ASNS: variants seen among roughly 807,000 people sequenced by gnomAD.
The protein encoded by ASNS is asparagine synthetase (glutamine-hydrolyzing).
ASNS carries 37 observed loss-of-function variants against 62.6 expected under a neutral mutation model. The ratio of observed to expected loss-of-function variants is 0.59; its 90% confidence interval spans 0.45 to 0.78. ASNS has a LOEUF of 0.78. ASNS is among the 30% of genes least tolerant of loss of function. The probability of loss-of-function intolerance (pLI) is 0.00; values close to 1 mark genes in which losing one functional copy is unlikely to be tolerated. For missense variants in ASNS, 520 were observed against 682.4 expected, an observed-to-expected ratio of 0.76 and a Z score of 2.65; for synonymous variants, 207 against 237.9, an observed-to-expected ratio of 0.87 and a Z score of 1.19.
chr7:97,916,226 A>G, the ASNS span, among the ~76,000 whole-genome samples: 2 of 152,008 alleles, frequency 1.3e-5, no homozygotes, highest in African/African-American at 4.8e-5. Flanking sequence ...TAAAAATACA[A>G]AAAAATTAGC....
the ASNS span, among the ~76,000 whole-genome samples, chr7:97,910,383 C>T: frequency 4.9e-4 from 74 of 152,154 alleles, no homozygotes; most frequent in African/African-American, 1.6e-3. Flanking sequence ...CCATCCCAGG[C>T]ATCATGAGGA....
At chr7:97,917,197 G>C in the ASNS span, among the ~76,000 whole-genome samples, 1 of 134,084 alleles carries the variant, frequency 7.5e-6, no homozygotes, top group Non-Finnish European at 1.5e-5. Flanking sequence ...CCCAAATATT[G>C]CATGGGATAT....
chr7:97,899,918 A>G, the ASNS span, among the ~76,000 whole-genome samples: 19 of 152,256 alleles, frequency 1.2e-4, no homozygotes, highest in Non-Finnish European at 2.4e-4. Context: ...ATTTTTGAAT[A>G]TGAAAATATT....
chr7:97,853,455 T>A (rs1791285240), intron 10 of ASNS, 69 bp from the exon 11 acceptor site: 9 of 1,326,430 alleles, frequency 6.8e-6, no homozygotes, highest in Non-Finnish European at 9.6e-6. Flanking sequence ...AGGTTCTGAT[T>A]CAGTTTCCCA....
chr7:97,927,944 C>T, the ASNS span: 13 of 643,240 alleles, frequency 2.0e-5, no homozygotes, highest in South Asian at 2.4e-4. Flanking sequence ...CCCGTGCTGC[C>T]TAAATGTGTT....
In ASNS at chr7:97,853,052, C is replaced by T. The variant is rs1459613915; in HGVS notation, c.1476+8G>A. ...TTATTCCTGAAAATGTTTTTAAAGA[C>T]ATTATACCTGATGTTCAACGTATTC... is the stretch of plus-strand genomic sequence containing the variant. On this transcript the variant is annotated splice_region_variant and intron_variant, in intron 12 of 12. Transcript: ENST00000394308. 1 of 1,555,266 alleles carries T rather than the reference C, an allele frequency of 6.4e-7. No individual in the cohort carries two copies. Among genetic ancestry groups the T allele is most frequent in the African/African-American group, 1.4e-5 (1 of 72,406 alleles).
Position 97,858,388 on chromosome 7 carries a change from A to T in ASNS, c.793T>A (p.Leu265Met). 6.2e-7 allele frequency: 1 copy of T among 1,614,164 alleles called. No homozygotes were observed. Among genetic ancestry groups the T allele is most frequent in the Non-Finnish European group, 8.5e-7 (1 of 1,179,994 alleles). The stretch of plus-strand genomic sequence containing the variant: ...TGCTTCAACAGAGTGGCAGCAACCA[A>T]GCTGGAGTCCAAGCCCCCTACATGC... Reference protein sequence around the residue: ...CLLSGGLDSSLVAATLLKQLK... With the variant: ...CLLSGGLDSSMVAATLLKQLK... The change falls in exon 7 of 13, where the codon TTG (leucine) becomes ATG (methionine). Residue 265 changes from leucine to methionine, a missense_variant. Leu to Met is a conservative substitution (Grantham distance 15, BLOSUM62 2). Transcript: ENST00000394308.
the ASNS span, among the ~76,000 whole-genome samples, chr7:97,894,258 C>T: frequency 3.3e-5 from 5 of 151,360 alleles, no homozygotes; most frequent in Admixed American, 6.6e-5. Context: ...AATGCCTACA[C>T]CAAAAAAGTA....
chr7:97,927,009 G>C, the ASNS span, among the ~76,000 whole-genome samples: 1 of 141,330 alleles, frequency 7.1e-6, no homozygotes, highest in Admixed American at 7.4e-5. Context: ...CCAGGCTCTA[G>C]CAATCCTCCC....
the ASNS span, among the ~76,000 whole-genome samples, chr7:97,894,480 C>CAAAAAAAAA: frequency 1.4e-4 from 5 of 36,538 alleles, no homozygotes; most frequent in African/African-American, 6.0e-4. Flanking sequence ...TGAGGCTAAC[C>CAAAAAAAAA]AAAAAAAAAA....
the ASNS span, among the ~76,000 whole-genome samples, chr7:97,922,437 TG>T: frequency 0.033 from 5,007 of 151,414 alleles, 267 homozygotes; most frequent in African/African-American, 0.11. Context: ...GTTGCCAGGG[TG>T]GGGAAGTGGG....
chr7:97,889,078 G>A, the ASNS span, among the ~76,000 whole-genome samples: 111 of 152,292 alleles, frequency 7.3e-4, no homozygotes, highest in African/African-American at 2.4e-3. Flanking sequence ...ATTGGCCCAC[G>A]CAGACAGGCT....
upstream of ASNS, among the ~76,000 whole-genome samples, chr7:97,873,509 T>C (rs1256692035): frequency 1.3e-5 from 2 of 152,208 alleles, no homozygotes; most frequent in African/African-American, 2.4e-5. Flanking sequence ...GATGACTTGT[T>C]CTAAGGTTCA....
chr7:97,867,179 G>C (rs1307252344), intron 3 of ASNS, among the ~76,000 whole-genome samples: 2 of 149,716 alleles, frequency 1.3e-5, no homozygotes, highest in Admixed American at 1.3e-4. Flanking sequence ...CCTGCAGGGA[G>C]AGGGCCTGCT....
the ASNS span, among the ~76,000 whole-genome samples, chr7:97,916,470 A>G: frequency 3.3e-5 from 5 of 152,218 alleles, no homozygotes; most frequent in Admixed American, 6.5e-5. Flanking sequence ...GTTTCTACAG[A>G]GTCTTTCAGA....
At chr7:97,868,774 A>G (rs1792102280) in intron 3 of ASNS, 134 bp downstream of exon 3, 2 of 1,306,890 alleles carry the variant, frequency 1.5e-6, no homozygotes, top group Admixed American at 4.3e-5. Flanking sequence ...CTATTTACAT[A>G]CTTAGAGCAA....
In ASNS at chr7:97,858,960, A is replaced by G. The variant is rs1791585840; in HGVS notation, c.674-5T>C. 1 of 1,604,978 alleles carries G rather than the reference A, an allele frequency of 6.2e-7. No individual in the cohort carries two copies. Among genetic ancestry groups the G allele is most frequent in the African/African-American group, 1.3e-5 (1 of 74,370 alleles). On this transcript the variant is annotated splice_region_variant and splice_polypyrimidine_tract_variant and intron_variant, in intron 5 of 12. Transcript: ENST00000394308. ...TCACAGTTTCTATCTCAAAACCTAT[A>G]AACACAGCAGTAAATCAAACAGCTC...
the ASNS span, among the ~76,000 whole-genome samples, chr7:97,923,589 C>T: frequency 6.6e-6 from 1 of 152,192 alleles, no homozygotes; most frequent in Non-Finnish European, 1.5e-5. Context: ...GTCATTTCCA[C>T]AGCCTCAACC....
chr7:97,913,807 G>A, the ASNS span, among the ~76,000 whole-genome samples: 1 of 150,878 alleles, frequency 6.6e-6, no homozygotes, highest in Admixed American at 6.6e-5. Flanking sequence ...ACAAGCAGTG[G>A]ATGGATACAT....
Sources: gnomAD v4.1 joint callset for allele counts (sites outside exome capture counted in the v4.1 genomes callset) on GRCh38, gnomAD v4.1.1 for gene constraint, MANE v1.5 for transcripts, NCBI Gene and HGNC (gene_info 2026-07-23, HGNC 2026-07-21) for gene names.